RBFOX1: variants seen among roughly 807,000 people sequenced by gnomAD.
The protein encoded by RBFOX1 is RNA binding protein fox-1 homolog 1.
Under a neutral mutation model 57.7 loss-of-function variants are expected in RBFOX1, and 8 were observed. The observed-to-expected ratio is 0.14, with a 90% confidence interval of 0.08 to 0.25. The LOEUF (loss-of-function observed/expected upper bound fraction) is 0.25. Among genes scored for constraint, RBFOX1 ranks in the 10% least tolerant of loss-of-function variants. The probability of loss-of-function intolerance (pLI) is 1.00; values close to 1 mark genes in which losing one functional copy is unlikely to be tolerated. For missense variants in RBFOX1, 611 were observed against 548.5 expected (o/e 1.11, Z -1.14); for synonymous variants, 326 against 222.4 (o/e 1.47, Z -4.15).
chr16:7,157,111 G>A (rs1463526561), intron 4 of RBFOX1, among the ~76,000 whole-genome samples: 1 of 152,164 alleles, frequency 6.6e-6, no homozygotes, highest in Non-Finnish European at 1.5e-5. Flanking sequence ...GCTATTGAGT[G>A]TGGGAGAAAG....
chr16:5,415,615 G>A (rs2067140736), intron 1 of RBFOX1, among the ~76,000 whole-genome samples: 1 of 152,176 alleles, frequency 6.6e-6, no homozygotes, highest in Admixed American at 6.5e-5. Flanking sequence ...CACCTAGCCA[G>A]AATTTAATAC....
chr16:5,625,612 T>C (rs7204652), intron 3 of RBFOX1, among the ~76,000 whole-genome samples: 55,430 of 151,622 alleles, frequency 0.37, 14,497 homozygotes, highest in African/African-American at 0.75. Flanking sequence ...GGCTCGAGTA[T>C]GGTGGTGCAA....
intron 3 of RBFOX1, among the ~76,000 whole-genome samples, chr16:6,853,228 G>T: frequency 6.6e-6 from 1 of 152,282 alleles, no homozygotes; most frequent in East Asian, 1.9e-4. Flanking sequence ...GAGCATTAAT[G>T]ATAGTATGTA....
At chr16:7,367,964 T>C (rs1272980065) in intron 4 of RBFOX1, among the ~76,000 whole-genome samples, 1 of 151,970 alleles carries the variant, frequency 6.6e-6, no homozygotes, top group Non-Finnish European at 1.5e-5. Context: ...CACCAGTTTA[T>C]AATCTTTACT....
At chr16:5,740,009 G>A (rs1268821124) in intron 3 of RBFOX1, among the ~76,000 whole-genome samples, 1 of 152,224 alleles carries the variant, frequency 6.6e-6, no homozygotes, top group Non-Finnish European at 1.5e-5. Flanking sequence ...AGCAGTGGGA[G>A]GGGTCCATGC....
At chr16:6,051,203 G>A (rs1021566057) in intron 1 of RBFOX1, among the ~76,000 whole-genome samples, 9 of 151,608 alleles carry the variant, frequency 5.9e-5, no homozygotes, top group African/African-American at 1.9e-4. Flanking sequence ...TACTAGAGGT[G>A]TCCCATGAAT....
chr16:6,407,917 C>T (rs1302258813), intron 2 of RBFOX1, among the ~76,000 whole-genome samples: 1 of 152,128 alleles, frequency 6.6e-6, no homozygotes, highest in Admixed American at 6.5e-5. Flanking sequence ...TATGTTGAAG[C>T]CTGATTCTCA....
chr16:6,970,870 T>A (rs996671959), intron 3 of RBFOX1, among the ~76,000 whole-genome samples: 1 of 152,160 alleles, frequency 6.6e-6, no homozygotes, highest in African/African-American at 2.4e-5. Context: ...GCTGTGCTAG[T>A]AAGAGACAAC....
At chr16:7,495,670 A>G (rs2068391766) in intron 4 of RBFOX1, among the ~76,000 whole-genome samples, 1 of 152,224 alleles carries the variant, frequency 6.6e-6, no homozygotes, top group East Asian at 1.9e-4. Flanking sequence ...CATGTGCAGA[A>G]TTTATTCAAG....
intron 2 of RBFOX1, among the ~76,000 whole-genome samples, chr16:6,531,367 G>A (rs1164121901): frequency 6.6e-6 from 1 of 152,136 alleles, no homozygotes; most frequent in Non-Finnish European, 1.5e-5. Context: ...GAGCTGAGGA[G>A]CAGGTACCAG....
intron 2 of RBFOX1, among the ~76,000 whole-genome samples, chr16:6,491,326 G>C (rs930198465): frequency 2.6e-5 from 4 of 151,982 alleles, no homozygotes; most frequent in African/African-American, 9.7e-5. Context: ...CGCATCTTAA[G>C]GTGAGCCTCC....
intron 1 of RBFOX1, among the ~76,000 whole-genome samples, chr16:6,209,636 T>G (rs1056812312): frequency 2.0e-5 from 3 of 152,216 alleles, no homozygotes; most frequent in Admixed American, 6.5e-5. Context: ...AAAACTCAAC[T>G]TGCTTTTCTC....
chr16:7,202,808 C>G (rs768222093), intron 4 of RBFOX1, among the ~76,000 whole-genome samples: 8 of 152,304 alleles, frequency 5.3e-5, no homozygotes, highest in East Asian at 1.9e-4. Flanking sequence ...AACAGCCCCC[C>G]ACCCTGGCCA....
intron 3 of RBFOX1, among the ~76,000 whole-genome samples, chr16:6,677,929 A>T (rs188814340): frequency 2.0e-5 from 3 of 152,324 alleles, no homozygotes; most frequent in African/African-American, 7.2e-5. Flanking sequence ...ATCAGTAAGG[A>T]ACCATAAAGA....
chr16:7,542,563 A>G (rs2083235016), intron 5 of RBFOX1, among the ~76,000 whole-genome samples: 1 of 151,980 alleles, frequency 6.6e-6, no homozygotes. Context: ...AGATAGAAAT[A>G]GAGGGATGGG....
chr16:7,027,412 C>T (rs1480234425), intron 3 of RBFOX1, among the ~76,000 whole-genome samples: 2 of 152,146 alleles, frequency 1.3e-5, no homozygotes, highest in African/African-American at 4.8e-5. Context: ...GTAAGTTAGA[C>T]ACCCTTAACA....
At chr16:6,871,907 G>C (rs1253090832) in intron 3 of RBFOX1, among the ~76,000 whole-genome samples, 1 of 136,104 alleles carries the variant, frequency 7.3e-6, no homozygotes, top group African/African-American at 2.7e-5. Context: ...GAGAGGGAGA[G>C]AGTCTGTGTG....
intron 3 of RBFOX1, among the ~76,000 whole-genome samples, chr16:5,828,037 G>C (rs13334771): frequency 0.23 from 33,402 of 147,254 alleles, 4,596 homozygotes; most frequent in African/African-American, 0.39. Context: ...GTCCATCCAT[G>C]TATCCATCCA....
At chr16:6,258,962 C>T (rs537663902) in intron 1 of RBFOX1, among the ~76,000 whole-genome samples, 58 of 152,158 alleles carry the variant, frequency 3.8e-4, no homozygotes, top group African/African-American at 1.3e-3. Flanking sequence ...AATGCAATTC[C>T]GAGTTCATTT....
Sources: allele counts gnomAD v4.1 joint callset (sites outside exome capture counted in the v4.1 genomes callset), GRCh38; gene constraint gnomAD v4.1.1; transcripts MANE v1.5; gene names NCBI Gene and HGNC (gene_info 2026-07-23, HGNC 2026-07-21).